The following RASAL2 variants were observed in gnomAD, a reference collection of about 807,000 sequenced individuals.
RASAL2 encodes the protein ras GTPase-activating protein nGAP.
A neutral mutation model predicts 128.9 loss-of-function variants in RASAL2; 58 were observed. The ratio of observed to expected loss-of-function variants is 0.45; its 90% confidence interval spans 0.36 to 0.56. The LOEUF (loss-of-function observed/expected upper bound fraction) is 0.56. RASAL2 is among the 20% of genes least tolerant of loss of function. The probability of loss-of-function intolerance (pLI) is 0.00; values close to 1 mark genes in which losing one functional copy is unlikely to be tolerated. For synonymous variants in RASAL2, 561 were observed against 580.8 expected, an observed-to-expected ratio of 0.97 and a Z score of 0.49; for missense variants, 1,360 against 1,601.6, an observed-to-expected ratio of 0.85 and a Z score of 2.57.
intron 2 of RASAL2, among the ~76,000 whole-genome samples, chr1:178,296,983 T>G (rs1386184675): frequency 6.6e-6 from 1 of 151,450 alleles, no homozygotes; most frequent in Admixed American, 6.6e-5. Context: ...AATTTTTTTT[T>G]TTAGTTGAGG....
At chr1:178,318,072 GGTT>G (rs574521940) in intron 3 of RASAL2, among the ~76,000 whole-genome samples, 2,743 of 152,186 alleles carry the variant, frequency 0.018, 64 homozygotes, top group African/African-American at 0.059. Flanking sequence ...TTCAGGAGCA[GGTT>G]GTTCAGTTTC....
At chr1:178,183,865 A>T (rs1270909713) in intron 1 of RASAL2, among the ~76,000 whole-genome samples, 1 of 152,210 alleles carries the variant, frequency 6.6e-6, no homozygotes, top group Non-Finnish European at 1.5e-5. Context: ...ACTGTGTTTA[A>T]CTTTTTCTGA....
chr1:178,190,058 T>C (rs1662438003), intron 1 of RASAL2, among the ~76,000 whole-genome samples: 1 of 144,124 alleles, frequency 6.9e-6, no homozygotes, highest in African/African-American at 2.9e-5. Context: ...ATAAACATCC[T>C]TGAGTTCACA....
chr1:178,134,019 C>T (rs773237523), intron 1 of RASAL2, among the ~76,000 whole-genome samples: 1 of 152,062 alleles, frequency 6.6e-6, no homozygotes, highest in Admixed American at 6.5e-5. Context: ...AATTTTTTAT[C>T]TATTGCTGTA....
At chr1:178,219,841 G>C (rs767236702) in intron 1 of RASAL2, among the ~76,000 whole-genome samples, 5 of 151,886 alleles carry the variant, frequency 3.3e-5, no homozygotes, top group African/African-American at 4.8e-5. Flanking sequence ...GATATGGTTT[G>C]GATGTTTCAT....
chr1:178,417,758 TAAAAAAAAAA>T (rs35109719), intron 4 of RASAL2, among the ~76,000 whole-genome samples: 1 of 67,868 alleles, frequency 1.5e-5, no homozygotes. Context: ...AAACTCCGTC[TAAAAAAAAAA>T]AAAAAAAAAA....
At chr1:178,441,404 T>C (rs1368683652) in intron 6 of RASAL2, 145 bp from the exon 7 acceptor site, 2 of 569,716 alleles carry the variant, frequency 3.5e-6, no homozygotes, top group Non-Finnish European at 6.3e-6. Flanking sequence ...TGAGACCATG[T>C]TTTTCTTATC....
At chr1:178,202,395 A>G (rs1662903852) in intron 1 of RASAL2, among the ~76,000 whole-genome samples, 1 of 152,188 alleles carries the variant, frequency 6.6e-6, no homozygotes, top group Non-Finnish European at 1.5e-5. Context: ...GGCCTGGTTC[A>G]CAGATGGTTC....
At chr1:178,215,745 A>G (rs1389176535) in intron 1 of RASAL2, among the ~76,000 whole-genome samples, 2 of 152,206 alleles carry the variant, frequency 1.3e-5, no homozygotes, top group African/African-American at 4.8e-5. Flanking sequence ...AGCTTTGACA[A>G]TTTAGGGGTA....
chr1:178,094,663 G>A lies in RASAL2; in HGVS notation c.171G>A (p.Val57=). 6.2e-7 allele frequency: 1 copy of A among 1,614,132 alleles called. No homozygotes were observed. Among genetic ancestry groups the A allele is most frequent in the African/African-American group, 1.3e-5 (1 of 75,080 alleles). ...TGGATCGGATCCTTCTGGAGTCCGT[G>A]TGCCAGCAACAGAGCTGGGTCCGGG... ...GMLDRILLES[V]CQQQSWVRVY... The change falls in exon 1 of 18, where the codon GTG becomes GTA. Residue 57 remains valine, a synonymous_variant. Transcript: ENST00000367649.
intron 1 of RASAL2, among the ~76,000 whole-genome samples, chr1:178,177,161 T>C (rs1661925524): frequency 6.6e-6 from 1 of 152,204 alleles, no homozygotes; most frequent in Non-Finnish European, 1.5e-5. Context: ...TGCCATGCTG[T>C]TTGGAAAAAC....
intron 1 of RASAL2, among the ~76,000 whole-genome samples, chr1:178,279,654 G>T (rs1666688478): frequency 6.6e-6 from 1 of 152,028 alleles, no homozygotes; most frequent in Non-Finnish European, 1.5e-5. Flanking sequence ...ACTAATTATG[G>T]TTATTCAGTC....
chr1:178,247,303 G>A (rs755357731), intron 1 of RASAL2, among the ~76,000 whole-genome samples: 10 of 151,608 alleles, frequency 6.6e-5, no homozygotes, highest in South Asian at 2.1e-4. Flanking sequence ...GGCAGGGTGT[G>A]TGTGTCTAGG....
At chr1:178,234,642 A>T (rs540002188) in intron 1 of RASAL2, among the ~76,000 whole-genome samples, 1 of 152,124 alleles carries the variant, frequency 6.6e-6, no homozygotes, top group Non-Finnish European at 1.5e-5. Context: ...AATTTTGGTT[A>T]TGACTTGGGG....
At chr1:178,462,506 G>A (rs922354685) in intron 14 of RASAL2, among the ~76,000 whole-genome samples, 1 of 151,986 alleles carries the variant, frequency 6.6e-6, no homozygotes, top group African/African-American at 2.4e-5. Context: ...TTCATTTGAA[G>A]AACATACTAC....
At chr1:178,418,049 TACTAATGACTGTG>T (rs1207021022) in intron 4 of RASAL2, among the ~76,000 whole-genome samples, 1 of 152,060 alleles carries the variant, frequency 6.6e-6, no homozygotes, top group Non-Finnish European at 1.5e-5. Context: ...TGCCTTTATG[TACTAATGACTGTG>T]ACTAATGACA....
intron 1 of RASAL2, chr1:178,194,566 G>T (rs558669679): frequency 1.4e-4 from 22 of 154,336 alleles, no homozygotes; most frequent in African/African-American, 4.6e-4. Flanking sequence ...TGTTGTTGTT[G>T]TTGTTTTCTT....
intron 10 of RASAL2, 70 bp downstream of exon 10, chr1:178,451,785 T>C: frequency 6.6e-7 from 1 of 1,506,244 alleles, no homozygotes; most frequent in Non-Finnish European, 8.9e-7. Context: ...TTACATTTTT[T>C]CATGTAAAAG....
At chr1:178,319,735 T>G (rs1412293749) in intron 3 of RASAL2, among the ~76,000 whole-genome samples, 1 of 152,012 alleles carries the variant, frequency 6.6e-6, no homozygotes, top group East Asian at 1.9e-4. Flanking sequence ...TGCCTTTGGA[T>G]TGAATGTCCT....
Sources: gnomAD v4.1 joint callset for allele counts (sites outside exome capture counted in the v4.1 genomes callset) on GRCh38, gnomAD v4.1.1 for gene constraint, MANE v1.5 for transcripts, NCBI Gene and HGNC (gene_info 2026-07-23, HGNC 2026-07-21) for gene names.